The following CPNE4 variants were observed in gnomAD, a reference collection of about 807,000 sequenced individuals.
CPNE4 encodes the protein copine 4.
A neutral mutation model predicts 67.9 loss-of-function variants in CPNE4; 25 were observed. That is an observed-to-expected ratio of 0.37 (90% CI 0.27 to 0.51). The LOEUF (loss-of-function observed/expected upper bound fraction) is 0.51. CPNE4 is among the 20% of genes least tolerant of loss of function. CPNE4 has a pLI of 0.93. For missense variants in CPNE4, 464 were observed against 690.8 expected (o/e 0.67, Z 3.68); for synonymous variants, 242 against 244.9 (o/e 0.99, Z 0.11).
At chr3:131,865,083 G>A (rs1194074749) in intron 2 of CPNE4, among the ~76,000 whole-genome samples, 6 of 152,118 alleles carry the variant, frequency 3.9e-5, no homozygotes, top group African/African-American at 7.2e-5. Context: ...TAAGCTTTTC[G>A]ATGTGCTGCT....
rs546189704 is a variant in CPNE4, at chr3:131,855,749, T to C, written c.180+49515A>G. 5.9e-5 allele frequency among the ~76,000 whole-genome samples: 9 copies of C among 151,984 alleles called. No individual in the cohort carries two copies. In the South Asian group the frequency reaches 6.2e-4, roughly 11 times the overall value. On this transcript the variant is annotated intron_variant, in intron 2 of 15. Coordinates refer to ENST00000429747, the MANE Select transcript of CPNE4 (RefSeq NM_130808.3). ...GTGATGAAAATACAGTCATTTAATT[T>C]TGAAGAATTTGTTTGGGTCTCTGCT...
chr3:132,016,799 C>T (rs2073898714), intron 1 of CPNE4, among the ~76,000 whole-genome samples: 1 of 152,358 alleles, frequency 6.6e-6, no homozygotes, highest in Admixed American at 6.5e-5. Context: ...CTTCATCCAT[C>T]TAGCAGTCAT....
chr3:131,870,595 C>T (rs894832189), intron 2 of CPNE4, among the ~76,000 whole-genome samples: 5 of 152,156 alleles, frequency 3.3e-5, no homozygotes, highest in Non-Finnish European at 7.4e-5. Context: ...ACTTCTTTCT[C>T]CCCTTCTCCT....
At chr3:131,739,508 G>A (rs2082311874) in intron 2 of CPNE4, among the ~76,000 whole-genome samples, 1 of 152,236 alleles carries the variant, frequency 6.6e-6, no homozygotes, top group Middle Eastern at 3.4e-3. Flanking sequence ...TCATTTCTGT[G>A]TCTGCATGTC....
intron 10 of CPNE4, among the ~76,000 whole-genome samples, chr3:131,566,435 A>AG (rs1452867175): frequency 6.6e-6 from 1 of 151,732 alleles, no homozygotes; most frequent in African/African-American, 2.4e-5. Flanking sequence ...CACCAGGAAA[A>AG]AAAAAAAAAA....
intron 1 of CPNE4, among the ~76,000 whole-genome samples, chr3:131,947,752 A>C (rs1427393862): frequency 1.3e-5 from 2 of 152,216 alleles, no homozygotes; most frequent in East Asian, 3.8e-4. Context: ...GTATATATCC[A>C]GTAATGGGAT....
chr3:131,663,145 G>A (rs1436069218), intron 7 of CPNE4, among the ~76,000 whole-genome samples: 1 of 152,186 alleles, frequency 6.6e-6, no homozygotes, highest in Non-Finnish European at 1.5e-5. Context: ...AGAAGAATGA[G>A]TTCATGTCCT....
intron 2 of CPNE4, among the ~76,000 whole-genome samples, chr3:131,864,912 A>C (rs556665358): frequency 2.9e-3 from 445 of 152,224 alleles, no homozygotes; most frequent in African/African-American, 0.01. Context: ...AGTTTTTAGC[A>C]CGAAGGGTTG....
chr3:131,607,425 T>G (rs1156509550), intron 7 of CPNE4, among the ~76,000 whole-genome samples: 1 of 152,180 alleles, frequency 6.6e-6, no homozygotes, highest in Non-Finnish European at 1.5e-5. Flanking sequence ...TGTAAACCCA[T>G]CCATTCACTG....
At chr3:131,661,381 T>A (rs1439810138) in intron 7 of CPNE4, among the ~76,000 whole-genome samples, 1 of 152,202 alleles carries the variant, frequency 6.6e-6, no homozygotes, top group Non-Finnish European at 1.5e-5. Context: ...ATAATGTTAA[T>A]GAAAAGAAAG....
At chr3:131,565,512 G>A (rs1398795839) in intron 10 of CPNE4, among the ~76,000 whole-genome samples, 1 of 151,980 alleles carries the variant, frequency 6.6e-6, no homozygotes, top group Non-Finnish European at 1.5e-5. Context: ...CCACGTGTGT[G>A]TTTGTGTTTC....
intron 3 of CPNE4, among the ~76,000 whole-genome samples, chr3:131,720,212 G>C (rs1329963269): frequency 2.6e-5 from 4 of 151,594 alleles, no homozygotes; most frequent in Admixed American, 2.6e-4. Context: ...TTTGGAGTTT[G>C]CTACCTGCAC....
chr3:131,614,226 C>T (rs1173821103), intron 7 of CPNE4, among the ~76,000 whole-genome samples: 3 of 152,204 alleles, frequency 2.0e-5, no homozygotes, highest in Admixed American at 2.0e-4. Flanking sequence ...TTAAACCCAA[C>T]ATGTCCCCAG....
intron 7 of CPNE4, among the ~76,000 whole-genome samples, chr3:131,622,226 T>C (rs1293117400): frequency 2.0e-5 from 3 of 152,056 alleles, no homozygotes; most frequent in African/African-American, 7.2e-5. Context: ...TCTGGTTTCA[T>C]CACTCTTGGG....
chr3:131,684,266 A>G lies in CPNE4; in HGVS notation c.591+1609T>C, dbSNP rs1037403457. ...GGCCATCTTGCTCTATTTCCCTCAA[A>G]AGAAGTTTGTTTCACATAAGGAAAC... is the stretch of plus-strand genomic sequence containing the variant. On this transcript the variant is annotated intron_variant, in intron 6 of 15. Transcript: ENST00000429747. Among the ~76,000 whole-genome samples the G allele has an allele frequency of 2.0e-4, 30 of 152,126 alleles. 1 individual carries two copies.
At position 131,805,635 on chromosome 3, in the gene CPNE4, G is replaced by A. The variant is rs114918936; in HGVS notation, c.181-82010C>T. 7.5e-3 allele frequency among the ~76,000 whole-genome samples: 1,143 copies of A among 152,228 alleles called. 13 individuals carry two copies. The highest frequency in any genetic ancestry group is 0.025 in the African/African-American group (1,028 of 41,526). On this transcript the variant is annotated intron_variant, in intron 2 of 15. Coordinates refer to ENST00000429747, the MANE Select transcript of CPNE4 (RefSeq NM_130808.3). Reference sequence around the variant, plus strand: ...CCTCACATGTCTGCTGGGTGATGCCGGCTGTCAGCCAGAACACCTATAAAA... The same window carrying A: ...CCTCACATGTCTGCTGGGTGATGCCAGCTGTCAGCCAGAACACCTATAAAA...
At chr3:131,662,481 A>T (rs2080151061) in intron 7 of CPNE4, among the ~76,000 whole-genome samples, 1 of 152,224 alleles carries the variant, frequency 6.6e-6, no homozygotes, top group South Asian at 2.1e-4. Flanking sequence ...AACCGTGCTG[A>T]ACTACATAAG....
intron 4 of CPNE4, among the ~76,000 whole-genome samples, chr3:131,699,324 T>G (rs1044361898): frequency 5.3e-5 from 8 of 152,210 alleles, no homozygotes; most frequent in African/African-American, 1.9e-4. Flanking sequence ...CCAGTGTGAT[T>G]AAGGAACTGA....
At chr3:131,694,229 G>A (rs912972759) in intron 5 of CPNE4, among the ~76,000 whole-genome samples, 12 of 152,040 alleles carry the variant, frequency 7.9e-5, no homozygotes, top group Admixed American at 5.2e-4. Flanking sequence ...ATTTTATAGT[G>A]ACTTTTAGTC....
Sources: gnomAD v4.1 joint callset for allele counts (sites outside exome capture counted in the v4.1 genomes callset) on GRCh38, gnomAD v4.1.1 for gene constraint, MANE v1.5 for transcripts, NCBI Gene and HGNC (gene_info 2026-07-23, HGNC 2026-07-21) for gene names.